The following ZC3H13 variants were observed in gnomAD, a reference collection of about 807,000 sequenced individuals.
ZC3H13 encodes zinc finger CCCH-type containing 13.
In ZC3H13, 64 loss-of-function variants were observed where a neutral mutation model predicts 204.1. The observed-to-expected ratio is 0.31, with a 90% CI of 0.26 to 0.39. The LOEUF (loss-of-function observed/expected upper bound fraction) is 0.39, where lower values mean the gene tolerates loss of function less well. Ranked by LOEUF, ZC3H13 falls within the 10% of genes least tolerant of loss-of-function variation. ZC3H13 has a pLI of 1.00. For synonymous variants in ZC3H13, 667 were observed against 693.7 expected (o/e 0.96, Z 0.60); for missense variants, 1,833 against 2,082.7 (o/e 0.88, Z 2.33).
chr13:46,050,763 G>C (rs1465529566), intron 1 of ZC3H13, among the ~76,000 whole-genome samples: 1 of 151,990 alleles, frequency 6.6e-6, no homozygotes, highest in Non-Finnish European at 1.5e-5. Context: ...GAACTAAGCT[G>C]ACTACATAGG....
chr13:46,011,446 T>G lies in ZC3H13; in HGVS notation c.557A>C (p.Glu186Ala). 6.2e-7 allele frequency: 1 copy of G among 1,606,546 alleles called. No homozygotes were observed. Among genetic ancestry groups the G allele is most frequent in the Non-Finnish European group, 8.5e-7 (1 of 1,177,190 alleles). Residue 186 changes from glutamate to alanine, a missense_variant, in exon 6 of 19, where the codon GAG becomes GCG. Physicochemically the swap from Glu to Ala is moderately radical, Grantham distance 107 (BLOSUM62 -1). Transcript: ENST00000679008. ...TTTAATGATAATTTCTTCTCTCTTCTCCATGTTTTCTTGTTCCAGCTTCAT... is the reference window on the plus strand; with the variant it reads ...TTTAATGATAATTTCTTCTCTCTTCGCCATGTTTTCTTGTTCCAGCTTCAT... Reference protein sequence around the residue: ...ELMKLEQENMEKREEIIIKKE... With the variant: ...ELMKLEQENMAKREEIIIKKE...
chr13:46,008,359 T>C (rs1017019589), intron 7 of ZC3H13, among the ~76,000 whole-genome samples: 18 of 151,748 alleles, frequency 1.2e-4, no homozygotes, highest in African/African-American at 3.4e-4. Flanking sequence ...CTCAATTAAA[T>C]GTTTTCTTTG....
chr13:46,044,217 T>C (rs2043786989), intron 3 of ZC3H13, among the ~76,000 whole-genome samples: 1 of 151,700 alleles, frequency 6.6e-6, no homozygotes, highest in African/African-American at 2.4e-5. Context: ...TCAGTTTTTA[T>C]AGTGTTGCTA....
intron 4 of ZC3H13, among the ~76,000 whole-genome samples, chr13:46,021,481 A>C (rs1225725908): frequency 6.6e-6 from 1 of 151,236 alleles, no homozygotes; most frequent in African/African-American, 2.4e-5. Flanking sequence ...TTAAGTGCTC[A>C]AATTTCTTTC....
At position 45,969,500 on chromosome 13, in the gene ZC3H13, T is replaced by C. The variant is rs745702056; in HGVS notation, c.3044A>G (p.Asp1015Gly). The C allele has an allele frequency of 4.4e-6, 7 of 1,608,392 alleles. No individual in the cohort carries two copies. The highest frequency in any genetic ancestry group is 5.9e-6 in the Non-Finnish European group (7 of 1,178,640). The change falls in exon 14 of 19, where the codon GAT (aspartate) becomes GGT (glycine). Residue 1015 changes from aspartate (D) to glycine (G), a missense_variant. By Grantham distance (94) the Asp-to-Gly change is moderately conservative. Transcript: ENST00000679008. ...CTGGGCTGCTTCTTCATCAGAAATA[T>C]CAGAATCACCTTTGGATTTTTTACG... The part of the protein sequence containing the change: ...KKRKKSKGDS[D>G]ISDEEAAQQS...
chr13:46,033,261 A>G (rs909478280), intron 4 of ZC3H13, among the ~76,000 whole-genome samples: 5 of 152,122 alleles, frequency 3.3e-5, no homozygotes, highest in Non-Finnish European at 7.4e-5. Context: ...TTAACCACAT[A>G]GAGAAGACCT....
chr13:45,976,792 C>T (rs759113750), intron 11 of ZC3H13, among the ~76,000 whole-genome samples: 15 of 152,142 alleles, frequency 9.9e-5, no homozygotes, highest in African/African-American at 1.7e-4. Context: ...TTTCCATTTA[C>T]ATACTATATA....
chr13:46,018,283 G>A (rs1446668898), intron 5 of ZC3H13, among the ~76,000 whole-genome samples: 1 of 152,058 alleles, frequency 6.6e-6, no homozygotes, highest in African/African-American at 2.4e-5. Flanking sequence ...GTGGAGAGTT[G>A]GGTCAGAAGA....
At chr13:45,987,611 C>T (rs930397148) in intron 9 of ZC3H13, among the ~76,000 whole-genome samples, 4 of 152,080 alleles carry the variant, frequency 2.6e-5, no homozygotes, top group African/African-American at 9.7e-5. Context: ...TTCTCATCCG[C>T]CATTTTCTTG....
intron 4 of ZC3H13, among the ~76,000 whole-genome samples, chr13:46,020,971 T>C (rs1566303052): frequency 1.3e-5 from 2 of 151,964 alleles, no homozygotes; most frequent in East Asian, 1.9e-4. Flanking sequence ...TTAAAATGAA[T>C]AAAATACAAT....
At position 45,986,074 on chromosome 13, in the gene ZC3H13, C is replaced by T. The variant is rs561286071; in HGVS notation, c.1256-313G>A. ...CATTGACGGCTTACTTTTCAGAAAC[C>T]ACTTTTAGATACAAAGACACTTCAG... On this transcript the variant is annotated intron_variant, in intron 9 of 18. Transcript: ENST00000679008. 4.6e-5 allele frequency among the ~76,000 whole-genome samples: 7 copies of T among 152,268 alleles called. No individual in the cohort carries two copies. In the South Asian group the frequency reaches 1.5e-3, roughly 32 times the overall value.
In ZC3H13 at chr13:45,975,571, C is replaced by T. The variant is rs1952965554; in HGVS notation, c.2180G>A (p.Arg727Lys). ...REREKERDRE[R>K]DRDRDHDRER... ...TCGATCGTGGTCTCGGTCTCTATCC[C>T]TTTCACGATCTCTCTCTTTTTCTCT... Residue 727 changes from arginine (R) to lysine (K), a missense_variant, in exon 12 of 19, where the codon AGG becomes AAG. Physicochemically the swap from Arg to Lys is conservative, Grantham distance 26. Transcript: ENST00000679008. 1.3e-6 allele frequency: 2 copies of T among 1,574,362 alleles called. No individual in the cohort carries two copies. Among genetic ancestry groups the T allele is most frequent in the Admixed American group, 1.9e-5 (1 of 52,934 alleles).
intron 9 of ZC3H13, among the ~76,000 whole-genome samples, 190 bp from the exon 10 acceptor site, chr13:45,985,951 G>A (rs1196192992): frequency 1.3e-5 from 2 of 151,982 alleles, no homozygotes; most frequent in South Asian, 2.1e-4. Flanking sequence ...GATAAACTCC[G>A]AACATGAATT....
In ZC3H13 at chr13:45,963,983, G is replaced by T. The variant is rs143461574; in HGVS notation, c.4534C>A (p.Pro1512Thr). 1,466 of 1,614,108 alleles carry T rather than the reference G, an allele frequency of 9.1e-4. No homozygotes were observed. The highest frequency in any genetic ancestry group is 1.0e-3 in the Non-Finnish European group (1,196 of 1,180,002). Residue 1512 changes from proline (P) to threonine (T), a missense_variant, in exon 17 of 19, where the codon CCA becomes ACA. Pro to Thr is a conservative substitution (Grantham distance 38). Coordinates refer to ENST00000679008, the MANE Select transcript of ZC3H13 (RefSeq NM_001330564.2). The stretch of plus-strand genomic sequence containing the variant: ...AAGAGTGCAGCCCCAGGCTCTCGTG[G>T]TTCTTTTGGATGCTTTGGCATAAGA... ...SGLMPKHPKE[P>T]REPGAALLKF... is the part of the protein sequence containing the mutation.
At position 45,965,294 on chromosome 13, in the gene ZC3H13, T is replaced by C. The variant is rs1195916745; in HGVS notation, c.4460A>G (p.Glu1487Gly). Residue 1487 changes from glutamate (E) to glycine (G), a missense_variant, in exon 16 of 19, where the codon GAG becomes GGG. Transcript: ENST00000679008. ...DAEKREDQQD[E>G]EKMPDPLDVI... ...CAAATAGTTACCTGGCATCTTCTCC[T>C]CATCCTGTTGGTCCTCCCTCTTTTC... 2 of 1,613,434 alleles carry C rather than the reference T, an allele frequency of 1.2e-6. No individual in the cohort carries two copies. The highest frequency in any genetic ancestry group is 1.7e-6 in the Non-Finnish European group (2 of 1,179,650).
chr13:46,034,318 A>G (rs1213128142), intron 4 of ZC3H13, among the ~76,000 whole-genome samples: 1 of 152,222 alleles, frequency 6.6e-6, no homozygotes, highest in South Asian at 2.1e-4. Context: ...TTTTCCACAC[A>G]AAAACATATA....
chr13:46,045,300 T>TA, intron 2 of ZC3H13, 91 bp downstream of exon 2: 1 of 1,205,872 alleles, frequency 8.3e-7, no homozygotes, highest in Non-Finnish European at 1.2e-6. Flanking sequence ...ATTCCTACAA[T>TA]AAAACAACCT....
chr13:46,044,452 A>C (rs1177406596), intron 3 of ZC3H13, among the ~76,000 whole-genome samples: 1 of 152,110 alleles, frequency 6.6e-6, no homozygotes, highest in Non-Finnish European at 1.5e-5. Flanking sequence ...CGAAATATGG[A>C]GCATATTCAT....
chr13:46,024,728 CTT>C (rs66498813), intron 4 of ZC3H13, among the ~76,000 whole-genome samples: 44 of 147,724 alleles, frequency 3.0e-4, no homozygotes, highest in Admixed American at 1.0e-3. Context: ...CTCCAACATT[CTT>C]TTTTTTTTTT....
Sources: gnomAD v4.1 joint callset for allele counts (sites outside exome capture counted in the v4.1 genomes callset) on GRCh38, gnomAD v4.1.1 for gene constraint, MANE v1.5 for transcripts, NCBI Gene and HGNC (gene_info 2026-07-23, HGNC 2026-07-21) for gene names.